Variants in VAMP7 observed in about 807,000 individuals in gnomAD.
The protein encoded by VAMP7 is vesicle-associated membrane protein 7.
VAMP7 carries 14 observed loss-of-function variants against 29.6 expected under a neutral mutation model. That is an observed-to-expected ratio of 0.47 (90% confidence interval 0.31 to 0.74). VAMP7 has a LOEUF of 0.74. VAMP7 is among the 30% of genes least tolerant of loss of function. The pLI is 0.05. For synonymous variants in VAMP7, 95 were observed against 88.1 expected, an observed-to-expected ratio of 1.08 and a Z score of -0.44; for missense variants, 223 against 262.4, an observed-to-expected ratio of 0.85 and a Z score of 1.04.
intron 1 of VAMP7, among the ~76,000 whole-genome samples, chrX:155,887,507 T>C (rs1309439050): frequency 6.6e-6 from 1 of 152,056 alleles, no homozygotes; most frequent in Non-Finnish European, 1.5e-5. Context: ...TATTTTGCAA[T>C]ATAGAGGCTG....
Position 155,900,368 on chromosome X carries a change from T to C in VAMP7, c.343-129T>C, listed in dbSNP as rs539735785. 5.2e-4 allele frequency: 366 copies of C among 697,422 alleles called. 5 individuals are homozygous for C. In the South Asian group the frequency reaches 8.9e-3, roughly 17 times the overall value. 43.2% of individuals were successfully genotyped at this position (697,422 alleles called of 1,614,324 possible). A position where few individuals can be genotyped will look rare whatever the true frequency, so the allele number is the denominator to read the frequency against. On this transcript the variant is annotated intron_variant, in intron 4 of 7. Transcript: ENST00000286448. ...GTAACATTTTTCCAGTGAAGTGACA[T>C]GTATCTTTTATATCAATAGAGACAT...
At chrX:155,918,811 T>C (rs1343439304) in intron 5 of VAMP7, among the ~76,000 whole-genome samples, 1 of 152,208 alleles carries the variant, frequency 6.6e-6, no homozygotes, top group Non-Finnish European at 1.5e-5. Flanking sequence ...TTTTATCAGA[T>C]GCTTTCTCTG....
chrX:155,938,967 T>C (rs2124409316), intron 6 of VAMP7, among the ~76,000 whole-genome samples: 1 of 152,372 alleles, frequency 6.6e-6, no homozygotes, highest in Non-Finnish European at 1.5e-5. Flanking sequence ...GTTATGACTC[T>C]CCTGTAATTT....
In VAMP7 at chrX:155,889,675, C is replaced by T. The variant is rs190890949; in HGVS notation, c.146+63C>T. 4.2e-4 allele frequency: 646 copies of T among 1,540,850 alleles called. 1 individual carries two copies. The highest frequency in any genetic ancestry group is 2.6e-3 in the African/African-American group (190 of 73,086). On this transcript the variant is annotated intron_variant, in intron 2 of 7. Coordinates refer to ENST00000286448, the MANE Select transcript of VAMP7 (RefSeq NM_005638.6). ...GGGAATTCTGTTACTCTAATCAGAACGGTAGAAAAGTAGAAAACAAGCTTC... is the reference window on the plus strand; with the variant it reads ...GGGAATTCTGTTACTCTAATCAGAATGGTAGAAAAGTAGAAAACAAGCTTC...
At chrX:155,899,469 G>A (rs2066031599) in intron 4 of VAMP7, among the ~76,000 whole-genome samples, 1 of 151,860 alleles carries the variant, frequency 6.6e-6, no homozygotes, top group South Asian at 2.1e-4. Context: ...TTAAAAAAAA[G>A]CTGTATTGTA....
chrX:155,898,544 C>G (rs940783319), intron 4 of VAMP7, among the ~76,000 whole-genome samples: 2 of 151,974 alleles, frequency 1.3e-5, no homozygotes, highest in African/African-American at 4.8e-5. Context: ...TTCAGCATGC[C>G]AAATGATCTT....
intron 1 of VAMP7, among the ~76,000 whole-genome samples, chrX:155,885,071 G>A (rs1484728972): frequency 6.6e-6 from 1 of 152,110 alleles, no homozygotes; most frequent in Non-Finnish European, 1.5e-5. Context: ...TTTTAATTTA[G>A]TGGACTCGAA....
chrX:155,895,767 C>A, intron 3 of VAMP7, 87 bp downstream of exon 3: 4 of 1,179,180 alleles, frequency 3.4e-6, no homozygotes, highest in South Asian at 1.3e-5. Flanking sequence ...GGGTCCCCAA[C>A]CCCCAGGCTG....
chrX:155,913,132 T>C (rs757142338), intron 5 of VAMP7, among the ~76,000 whole-genome samples: 27 of 152,312 alleles, frequency 1.8e-4, no homozygotes, highest in Admixed American at 1.0e-3. Context: ...CCCGTGATGA[T>C]GAGCTTTTTT....
intron 1 of VAMP7, 24 bp downstream of exon 1, chrX:155,881,472 C>T: frequency 6.7e-6 from 1 of 149,392 alleles, no homozygotes; most frequent in Non-Finnish European, 1.5e-5. Context: ...GGTGCGCCTG[C>T]GGGAGGCGGG....
At position 155,924,888 on chromosome X, in the gene VAMP7, T is replaced by G. The variant is rs141522855; in HGVS notation, c.501+5008T>G. On this transcript the variant is annotated intron_variant, in intron 6 of 7. Transcript: ENST00000286448. ...CAATCCTCTCAAACCCTGCTACTGC[T>G]TTATCAGCTGAGTTGATGTAATTTT... 3.0e-4 allele frequency among the ~76,000 whole-genome samples: 45 copies of G among 152,358 alleles called. 1 individual carries two copies. The East Asian group carries it at 8.7e-3, about 29-fold the overall frequency.
intron 6 of VAMP7, among the ~76,000 whole-genome samples, chrX:155,921,531 C>T (rs1445393614): frequency 2.0e-5 from 3 of 152,126 alleles, no homozygotes; most frequent in East Asian, 1.9e-4. Flanking sequence ...AATTCATCCA[C>T]GTTTTTTATT....
intron 2 of VAMP7, among the ~76,000 whole-genome samples, chrX:155,889,960 A>C (rs1304707039): frequency 6.6e-6 from 1 of 152,106 alleles, no homozygotes; most frequent in Non-Finnish European, 1.5e-5. Flanking sequence ...GCACTTAACT[A>C]TTGCCAGGCA....
intron 6 of VAMP7, among the ~76,000 whole-genome samples, chrX:155,925,760 T>A (rs1322028781): frequency 6.6e-6 from 1 of 152,164 alleles, no homozygotes; most frequent in Non-Finnish European, 1.5e-5. Flanking sequence ...AGATACGCAT[T>A]TATCTCAGTG....
chrX:155,932,357 ATTTG>A (rs1173961715), intron 6 of VAMP7, among the ~76,000 whole-genome samples: 43 of 152,288 alleles, frequency 2.8e-4, no homozygotes, highest in African/African-American at 7.2e-4. Context: ...ATGTTCTTCC[ATTTG>A]TTTGTGTCCT....
intron 5 of VAMP7, among the ~76,000 whole-genome samples, chrX:155,901,624 A>C (rs2124279537): frequency 6.6e-6 from 1 of 152,306 alleles, no homozygotes; most frequent in South Asian, 2.1e-4. Flanking sequence ...TTTATTAAAT[A>C]GGGAATCCTT....
chrX:155,932,188 C>A (rs2066569664), intron 6 of VAMP7, among the ~76,000 whole-genome samples: 1 of 152,136 alleles, frequency 6.6e-6, no homozygotes, highest in Non-Finnish European at 1.5e-5. Flanking sequence ...CTTGGCAATG[C>A]AGGCTCTTTT....
intron 3 of VAMP7, 70 bp downstream of exon 3, chrX:155,895,750 A>C: frequency 6.9e-7 from 1 of 1,446,676 alleles, no homozygotes; most frequent in Non-Finnish European, 9.6e-7. Flanking sequence ...TTAATTATCT[A>C]TACCAGGGGT....
chrX:155,913,750 A>G (rs977075861), intron 5 of VAMP7, among the ~76,000 whole-genome samples: 30 of 151,988 alleles, frequency 2.0e-4, no homozygotes, highest in African/African-American at 7.2e-4. Flanking sequence ...TTTGGTACCA[A>G]TACCATGCTG....
Sources: gnomAD v4.1 joint callset for allele counts (sites outside exome capture counted in the v4.1 genomes callset) on GRCh38, gnomAD v4.1.1 for gene constraint, MANE v1.5 for transcripts, NCBI Gene and HGNC (gene_info 2026-07-23, HGNC 2026-07-21) for gene names.